DYTN: variants seen among roughly 807,000 people sequenced by gnomAD.
DYTN encodes the protein dystrotelin.
A neutral mutation model predicts 69.6 loss-of-function variants in DYTN; 75 were observed. That is an observed-to-expected ratio of 1.08 (90% CI 0.89 to 1.31). The LOEUF (loss-of-function observed/expected upper bound fraction) is 1.31. Ranked by LOEUF, DYTN falls within the 50% of genes most tolerant of loss-of-function variation. The pLI, the probability that DYTN is intolerant of heterozygous loss-of-function variation, is 0.00. For synonymous variants in DYTN, 252 were observed against 249.1 expected, an observed-to-expected ratio of 1.01 and a Z score of -0.11; for missense variants, 726 against 688.4, an observed-to-expected ratio of 1.05 and a Z score of -0.61.
intron 9 of DYTN, among the ~76,000 whole-genome samples, chr2:206,680,217 A>C (rs74481421): frequency 0.041 from 6,220 of 152,278 alleles, 447 homozygotes; most frequent in African/African-American, 0.14. Context: ...AGCAGGCAAG[A>C]GAGTGTGTGC....
At chr2:206,664,073 GAAA>G in intron 10 of DYTN, among the ~76,000 whole-genome samples, 1 of 142,296 alleles carries the variant, frequency 7.0e-6, no homozygotes, top group Admixed American at 7.0e-5. Flanking sequence ...ACTAGCAGTG[GAAA>G]AAAAAAAAAG....
chr2:206,704,104 C>T (rs894375931), intron 5 of DYTN, among the ~76,000 whole-genome samples: 1 of 152,184 alleles, frequency 6.6e-6, no homozygotes, highest in Non-Finnish European at 1.5e-5. Flanking sequence ...GGCACTCCAT[C>T]TATGCATTCT....
At chr2:206,676,861 G>C (rs1699695362) in intron 9 of DYTN, among the ~76,000 whole-genome samples, 1 of 151,970 alleles carries the variant, frequency 6.6e-6, no homozygotes, top group Non-Finnish European at 1.5e-5. Flanking sequence ...GGTTTCACAG[G>C]TGCACCTTTA....
At chr2:206,695,725 T>G (rs1699912705) in intron 7 of DYTN, among the ~76,000 whole-genome samples, 1 of 152,174 alleles carries the variant, frequency 6.6e-6, no homozygotes, top group African/African-American at 2.4e-5. Flanking sequence ...AGCTATACAT[T>G]TTTCCCCTGA....
At chr2:206,713,405 A>G (rs1700097641) in intron 1 of DYTN, among the ~76,000 whole-genome samples, 1 of 152,206 alleles carries the variant, frequency 6.6e-6, no homozygotes, top group African/African-American at 2.4e-5. Flanking sequence ...TCGCTGAAGT[A>G]TTGCTAACTG....
At chr2:206,715,292 T>TGGG (rs1354390265) in intron 1 of DYTN, among the ~76,000 whole-genome samples, 2 of 152,126 alleles carry the variant, frequency 1.3e-5, no homozygotes, top group Non-Finnish European at 2.9e-5. Flanking sequence ...GTCCAGGATT[T>TGGG]CCCAGCCTCC....
chr2:206,717,119 G>A (rs1339363509), intron 1 of DYTN, among the ~76,000 whole-genome samples: 1 of 149,670 alleles, frequency 6.7e-6, no homozygotes, highest in Non-Finnish European at 1.5e-5. Flanking sequence ...AATGTATCAC[G>A]CCCAAAGCTA....
At chr2:206,679,398 T>C (rs936785325) in intron 9 of DYTN, among the ~76,000 whole-genome samples, 1 of 152,132 alleles carries the variant, frequency 6.6e-6, no homozygotes, top group African/African-American at 2.4e-5. Flanking sequence ...CCCTTCTCCT[T>C]GACAATCTAG....
chr2:206,659,879 C>A (rs1207223583), intron 11 of DYTN, among the ~76,000 whole-genome samples: 4 of 152,020 alleles, frequency 2.6e-5, no homozygotes, highest in South Asian at 2.1e-4. Context: ...TGTTTAAATG[C>A]CTTAAGGAAA....
rs776691389 is a variant in DYTN, at chr2:206,699,894, A to G, written c.556-4T>C. 1 of 1,610,932 alleles carries G rather than the reference A, an allele frequency of 6.2e-7. No individual in the cohort carries two copies. Among genetic ancestry groups the G allele is most frequent in the Admixed American group, 1.7e-5 (1 of 59,376 alleles). On this transcript the variant is annotated splice_polypyrimidine_tract_variant and splice_region_variant and intron_variant, in intron 6 of 11. Coordinates refer to ENST00000452335, the MANE Select transcript of DYTN (RefSeq NM_001093730.1). ...CTTTGATTGCTGGGCTCAACACCTG[A>G]AAAACAATGGCACTCTAAGATGTGT...
intron 9 of DYTN, among the ~76,000 whole-genome samples, chr2:206,672,657 G>GCAA (rs550365191): frequency 1.0e-3 from 154 of 152,246 alleles, no homozygotes; most frequent in Non-Finnish European, 1.8e-3. Flanking sequence ...ACACTTAACT[G>GCAA]CAATACGGAA....
chr2:206,676,811 A>G (rs760083916), intron 9 of DYTN, among the ~76,000 whole-genome samples: 34 of 152,130 alleles, frequency 2.2e-4, no homozygotes, highest in Non-Finnish European at 4.0e-4. Flanking sequence ...TATAATAATT[A>G]TAAAGGGAGG....
chr2:206,657,935 T>C (rs1699468244), intron 11 of DYTN, among the ~76,000 whole-genome samples: 1 of 152,220 alleles, frequency 6.6e-6, no homozygotes, highest in African/African-American at 2.4e-5. Context: ...CCCTTGTTTA[T>C]TTGAATAAGC....
At chr2:206,699,927 C>T in intron 6 of DYTN, 37 bp from the exon 7 acceptor site, 1 of 1,592,826 alleles carries the variant, frequency 6.3e-7, no homozygotes, top group Non-Finnish European at 8.6e-7. Context: ...TGTTTTTAGG[C>T]ACGACTTGAT....
At chr2:206,681,714 C>A (rs1236831841) in intron 9 of DYTN, among the ~76,000 whole-genome samples, 2 of 152,158 alleles carry the variant, frequency 1.3e-5, no homozygotes, top group African/African-American at 4.8e-5. Context: ...CCTTGCATCC[C>A]AGGGATGAAA....
At chr2:206,710,678 A>G in intron 1 of DYTN, 80 bp from the exon 2 acceptor site, 1 of 1,134,018 alleles carries the variant, frequency 8.8e-7, no homozygotes, top group Non-Finnish European at 1.2e-6. Flanking sequence ...AATCCTAGAG[A>G]TCATGTAAGC....
Position 206,707,502 on chromosome 2 carries a change from C to T in DYTN, c.96G>A (p.Leu32=). The T allele has an allele frequency of 6.2e-7, 1 of 1,607,020 alleles. No individual in the cohort carries two copies. The highest frequency in any genetic ancestry group is 8.5e-7 in the Non-Finnish European group (1 of 1,176,860). The change falls in exon 3 of 12, where the codon TTG becomes TTA. Residue 32 remains leucine, a splice_region_variant and synonymous_variant. Transcript: ENST00000452335. ...GAATCAGGGAGCTGTCAATCAAGTC[C>T]ACTGTAGGAAGCAAATGAAGAATTG... ...KLQSVQTLCQ[L]DLIDSSLIQQ...
chr2:206,671,181 C>T lies in DYTN; in HGVS notation c.981-5152G>A, dbSNP rs141732246. On this transcript the variant is annotated intron_variant, in intron 9 of 11. Transcript: ENST00000452335. ...GTTCCAGCCCTTGGCTCCCACACAT[C>T]GGAATGAAAGATTGGATTTCATTAC... Among the ~76,000 whole-genome samples the T allele has an allele frequency of 5.0e-3, 765 of 152,196 alleles. 11 individuals are homozygous for T. Among genetic ancestry groups the T allele is most frequent in the African/African-American group, 0.017 (716 of 41,518 alleles).
At chr2:206,665,774 T>C in intron 10 of DYTN, 96 bp downstream of exon 10, 5 of 1,449,898 alleles carry the variant, frequency 3.4e-6, no homozygotes, top group Non-Finnish European at 4.7e-6. Context: ...GGGAAGAGGC[T>C]GATCAAAGTA....
Sources: gnomAD v4.1 joint callset for allele counts (sites outside exome capture counted in the v4.1 genomes callset) on GRCh38, gnomAD v4.1.1 for gene constraint, MANE v1.5 for transcripts, NCBI Gene and HGNC (gene_info 2026-07-23, HGNC 2026-07-21) for gene names.